CPPED1: variants seen among roughly 807,000 people sequenced by gnomAD.
CPPED1 encodes the protein calcineurin like phosphoesterase domain containing 1.
Under a neutral mutation model 28.0 loss-of-function variants are expected in CPPED1, and 28 were observed. The observed-to-expected ratio is 1.00, with a 90% CI of 0.74 to 1.37. The LOEUF (loss-of-function observed/expected upper bound fraction) is 1.37, where lower values mean the gene tolerates loss of function less well. CPPED1 is among the 40% of genes most tolerant of loss of function. CPPED1 has a pLI of 0.00. For synonymous variants in CPPED1, 198 were observed against 180.2 expected (o/e 1.10, Z -0.79); for missense variants, 504 against 416.5 (o/e 1.21, Z -1.83).
At chr16:12,762,505 A>G (rs1480914227) in intron 2 of CPPED1, among the ~76,000 whole-genome samples, 1 of 152,230 alleles carries the variant, frequency 6.6e-6, no homozygotes, top group Non-Finnish European at 1.5e-5. Flanking sequence ...GTATATCCAT[A>G]TGGTAGAATA....
intron 2 of CPPED1, among the ~76,000 whole-genome samples, chr16:12,729,428 A>G (rs1310112556): frequency 6.6e-6 from 1 of 152,220 alleles, no homozygotes; most frequent in Admixed American, 6.5e-5. Flanking sequence ...TCAAGAAAAA[A>G]ACATTTAAGA....
At chr16:12,794,988 A>T (rs889439280) in intron 1 of CPPED1, among the ~76,000 whole-genome samples, 1 of 152,228 alleles carries the variant, frequency 6.6e-6, no homozygotes, top group African/African-American at 2.4e-5. Context: ...ACGGTTAAAG[A>T]GGGGAAAAGA....
intron 2 of CPPED1, among the ~76,000 whole-genome samples, chr16:12,768,387 C>T (rs563761751): frequency 6.6e-6 from 1 of 152,280 alleles, no homozygotes; most frequent in Admixed American, 6.5e-5. Context: ...AATCAAAAGG[C>T]AACTGTTAAC....
chr16:12,773,157 CTGCATAAAGACCCTTTTAAAGTAT>C lies in CPPED1; in HGVS notation c.289+8004_289+8027del, dbSNP rs556156337. ...AGCCATTGTAGCTCTCTTAAGCATT[CTGCATAAAGACCCTTTTAAAGTAT>C]ATATGTGTGGCCGTTTTCCTGAACA... On this transcript the variant is annotated intron_variant, in intron 2 of 3. Transcript: ENST00000381774. Among the ~76,000 whole-genome samples, 267 of 152,282 alleles carry C rather than the reference CTGCATAAAGACCCTTTTAAAGTAT, an allele frequency of 1.8e-3. 3 individuals are homozygous for C. Among genetic ancestry groups the C allele is most frequent in the Admixed American group, 9.0e-3 (138 of 15,292 alleles).
chr16:12,704,906 T>A lies in CPPED1; in HGVS notation c.433A>T (p.Thr145Ser), dbSNP rs772801239. The A allele has an allele frequency of 2.5e-6, 4 of 1,613,968 alleles. No individual in the cohort carries two copies. Among genetic ancestry groups the A allele is most frequent in the Non-Finnish European group, 3.4e-6 (4 of 1,180,010 alleles). ...AAGCTGAAGTAGTCATCTCCCCAAG[T>A]CCGGCAGAACTCCTCGACGGTCTCG... is the stretch of plus-strand genomic sequence containing the variant. ...TAETVEEFCR[T>S]WGDDYFSFWV... The change falls in exon 3 of 4, where the codon ACT becomes TCT. Residue 145 changes from threonine (T) to serine (S), a missense_variant. By Grantham distance (58) the Thr-to-Ser change is moderately conservative (BLOSUM62 1). Transcript: ENST00000381774.
At chr16:12,724,533 A>C (rs932099154) in intron 2 of CPPED1, among the ~76,000 whole-genome samples, 2 of 151,770 alleles carry the variant, frequency 1.3e-5, no homozygotes, top group Non-Finnish European at 2.9e-5. Context: ...AGCTTCCCGC[A>C]CTCATCTCAT....
chr16:12,709,590 T>C lies in CPPED1; in HGVS notation c.290-4541A>G, dbSNP rs922161524. Among the ~76,000 whole-genome samples the C allele has an allele frequency of 6.6e-6, 1 of 152,244 alleles. No homozygotes were observed. Among genetic ancestry groups the C allele is most frequent in the Non-Finnish European group, 1.5e-5 (1 of 68,034 alleles). ...GTACTGTGAGAGGTATGATTTATTT[T>C]TGTCCATATTCATTAAGGCAGACAT... is the stretch of plus-strand genomic sequence containing the variant. On this transcript the variant is annotated intron_variant, in intron 2 of 3. Coordinates refer to ENST00000381774, the MANE Select transcript of CPPED1 (RefSeq NM_018340.3). This position sits in a 1 kb window ranked among gnomAD's most constrained non-coding sequence, Gnocchi z 4.4.
chr16:12,750,197 C>T (rs141390733), intron 2 of CPPED1, among the ~76,000 whole-genome samples: 1 of 152,278 alleles, frequency 6.6e-6, no homozygotes, highest in Non-Finnish European at 1.5e-5. Context: ...TTAGAGGAAT[C>T]GCTAGCACTT....
chr16:12,770,868 G>T (rs1476508566), intron 2 of CPPED1, among the ~76,000 whole-genome samples: 2 of 129,206 alleles, frequency 1.5e-5, no homozygotes, highest in African/African-American at 2.7e-5. Flanking sequence ...GAGAAGGAAA[G>T]GAAAGGAAAG....
At chr16:12,781,494 T>G in intron 1 of CPPED1, 91 bp from the exon 2 acceptor site, 1 of 1,114,220 alleles carries the variant, frequency 9.0e-7, no homozygotes, top group Non-Finnish European at 1.3e-6. Flanking sequence ...GATACACTAT[T>G]TTTCTTAAAT....
Position 12,682,839 on chromosome 16 carries a change from T to C in CPPED1, c.716-17724A>G, listed in dbSNP as rs1003662936. On this transcript the variant is annotated intron_variant, in intron 3 of 3. Transcript: ENST00000381774. This position sits in a 1 kb window ranked among gnomAD's most constrained non-coding sequence, Gnocchi z 6.1. The stretch of plus-strand genomic sequence containing the variant: ...TTATTTTTAAAAGAAGATGGCAGCT[T>C]GCGTGTGAAATGGAGCGTGGGGCCC... 3.3e-5 allele frequency among the ~76,000 whole-genome samples: 5 copies of C among 152,252 alleles called. No homozygotes were observed. The highest frequency in any genetic ancestry group is 7.3e-5 in the Non-Finnish European group (5 of 68,048).
At chr16:12,746,266 T>C (rs1477181152) in intron 2 of CPPED1, among the ~76,000 whole-genome samples, 1 of 151,620 alleles carries the variant, frequency 6.6e-6, no homozygotes, top group Non-Finnish European at 1.5e-5. Context: ...TCCCAGCTAC[T>C]TGGGAGGCTG....
At chr16:12,785,973 GT>G (rs571862567) in intron 1 of CPPED1, among the ~76,000 whole-genome samples, 20 of 151,644 alleles carry the variant, frequency 1.3e-4, no homozygotes, top group South Asian at 8.3e-4. Flanking sequence ...CAGGGGTCCA[GT>G]TTTTTCCCCC....
intron 3 of CPPED1, among the ~76,000 whole-genome samples, chr16:12,669,181 T>C (rs889158176): frequency 3.9e-5 from 6 of 152,216 alleles, no homozygotes; most frequent in Non-Finnish European, 7.4e-5. Flanking sequence ...CAAGCTGCAA[T>C]GTAGATGCAC....
At chr16:12,730,979 C>A (rs929415026) in intron 2 of CPPED1, among the ~76,000 whole-genome samples, 1 of 152,098 alleles carries the variant, frequency 6.6e-6, no homozygotes, top group Non-Finnish European at 1.5e-5. Context: ...CTTGAAACTG[C>A]ATGAAGCTTG....
intron 2 of CPPED1, among the ~76,000 whole-genome samples, chr16:12,757,220 G>T (rs1310896304): frequency 2.0e-5 from 3 of 152,126 alleles, no homozygotes; most frequent in Admixed American, 6.5e-5. Context: ...AGGGCTGAGG[G>T]GTTTCCCAGG....
intron 2 of CPPED1, among the ~76,000 whole-genome samples, chr16:12,706,417 T>G (rs1281481350): frequency 6.6e-6 from 1 of 150,876 alleles, no homozygotes; most frequent in Non-Finnish European, 1.5e-5. Context: ...GCAATTACTT[T>G]TGCACCAACC....
chr16:12,709,902 C>T lies in CPPED1; in HGVS notation c.290-4853G>A, dbSNP rs1166194360. On this transcript the variant is annotated intron_variant, in intron 2 of 3. Transcript: ENST00000381774. The surrounding 1 kb of genome is among the most constrained non-coding windows in gnomAD (Gnocchi z 4.4). Reference sequence around the variant, plus strand: ...GGAAGGAAGGGAAGGAAGGGAAAGACGGGGGGAAGGAAGGGAAGGAAGGGA... The same window carrying T: ...GGAAGGAAGGGAAGGAAGGGAAAGATGGGGGGAAGGAAGGGAAGGAAGGGA... 5.4e-5 allele frequency among the ~76,000 whole-genome samples: 5 copies of T among 93,040 alleles called. No individual in the cohort carries two copies. Among genetic ancestry groups the T allele is most frequent in the African/African-American group, 9.2e-5 (2 of 21,734 alleles). 61.0% of individuals were successfully genotyped at this position (93,040 alleles called of 152,430 possible).
rs376598036 is a variant in CPPED1 at position 12,705,672 on chromosome 16, C to T, written c.290-623G>A. On this transcript the variant is annotated intron_variant, in intron 2 of 3. Coordinates refer to ENST00000381774, the MANE Select transcript of CPPED1 (RefSeq NM_018340.3). ...ACTCGGCAGGGTGAGGCAGGAGAAT[C>T]GCTTGAACTCGGGAGGCAGAGGTTG... 1.4e-4 allele frequency among the ~76,000 whole-genome samples: 22 copies of T among 152,276 alleles called. No individual in the cohort carries two copies. In the South Asian group the frequency reaches 2.5e-3, roughly 17 times the overall value.
Sources: gnomAD v4.1 joint callset for allele counts (sites outside exome capture counted in the v4.1 genomes callset) on GRCh38, gnomAD v4.1.1 for gene constraint, Gnocchi (gnomAD v3.1) non-coding constraint, MANE v1.5 for transcripts, NCBI Gene and HGNC (gene_info 2026-07-23, HGNC 2026-07-21) for gene names.